The following BRAP variants were observed in gnomAD, a reference collection of about 807,000 sequenced individuals.
BRAP encodes the protein BRCA1-associated protein.
A neutral mutation model predicts 73.4 loss-of-function variants in BRAP; 42 were observed. The observed-to-expected ratio is 0.57, with a 90% confidence interval of 0.45 to 0.74. The LOEUF (loss-of-function observed/expected upper bound fraction) is 0.74. Among genes scored for constraint, BRAP ranks in the 30% least tolerant of loss-of-function variants. BRAP has a pLI of 0.00. For missense variants in BRAP, 593 were observed against 751.4 expected (o/e 0.79, Z 2.46); for synonymous variants, 255 against 267.4 (o/e 0.95, Z 0.45).
chr12:111,675,805 A>C (rs1887356691), intron 4 of BRAP, among the ~76,000 whole-genome samples: 1 of 152,096 alleles, frequency 6.6e-6, no homozygotes, highest in Admixed American at 6.6e-5. Context: ...TTGAGAACAT[A>C]CCTCTACTTC....
chr12:111,673,124 T>C (rs1234817186), intron 4 of BRAP: 1 of 206,138 alleles, frequency 4.9e-6, no homozygotes, highest in Non-Finnish European at 9.7e-6. Context: ...TAGTCATCAC[T>C]TGTGCAGCTG....
In BRAP at chr12:111,657,601, C is replaced by T. The variant is rs546607766; in HGVS notation, c.1221+1135G>A. Among the ~76,000 whole-genome samples the T allele has an allele frequency of 6.6e-5, 10 of 152,078 alleles. No homozygotes were observed. The South Asian group carries it at 1.0e-3, about 16-fold the overall frequency. On this transcript the variant is annotated intron_variant, in intron 9 of 11. Transcript: ENST00000419234. ...ATTTATATAAAACATGACTCGTGGC[C>T]GGGTACGGTGGCTCATGCCTATAAT...
chr12:111,650,119 T>C (rs1886262084), intron 10 of BRAP, 77 bp from the exon 11 acceptor site: 10 of 1,042,626 alleles, frequency 9.6e-6, no homozygotes, highest in East Asian at 5.0e-5. Flanking sequence ...ATCATATTTT[T>C]CCCCCCAATT....
Position 111,672,671 on chromosome 12 carries a change from T to C in BRAP, c.737A>G (p.Lys246Arg). 6.2e-7 allele frequency: 1 copy of C among 1,612,028 alleles called. No individual in the cohort carries two copies. The highest frequency in any genetic ancestry group is 1.3e-5 in the African/African-American group (1 of 75,006). The change falls in exon 5 of 12, where the codon AAA becomes AGA. Residue 246 changes from lysine to arginine, a missense_variant. By Grantham distance (26) the Lys-to-Arg change is conservative. Transcript: ENST00000419234. ...ACAATTCACACTTACATCTTCAGAT[T>C]TGAGCACTTCAGCTCTTTCCACATA... ...LVYVERAEVLKSEDGASLPVM... is the reference protein window; with the variant it reads ...LVYVERAEVLRSEDGASLPVM...
chr12:111,659,415 A>C, intron 7 of BRAP, 70 bp from the exon 8 acceptor site: 4 of 1,454,158 alleles, frequency 2.8e-6, no homozygotes, highest in Non-Finnish European at 2.8e-6. Flanking sequence ...GATGGCTCGG[A>C]GGCCGAGGCA....
intron 6 of BRAP, among the ~76,000 whole-genome samples, chr12:111,663,264 G>T (rs1886820114): frequency 6.6e-6 from 1 of 151,960 alleles, no homozygotes; most frequent in South Asian, 2.1e-4. Context: ...GACCAGCTGG[G>T]CCAACATGGC....
chr12:111,658,404 G>A (rs777060572), intron 9 of BRAP, among the ~76,000 whole-genome samples: 96 of 151,034 alleles, frequency 6.4e-4, no homozygotes, highest in African/African-American at 2.2e-3. Context: ...AGGTTCAAGC[G>A]ATTCTCTGCT....
At chr12:111,671,376 C>A (rs148428716) in intron 5 of BRAP, among the ~76,000 whole-genome samples, 75 of 151,556 alleles carry the variant, frequency 4.9e-4, no homozygotes, top group African/African-American at 1.7e-3. Context: ...GTGGTGAAAC[C>A]CCATCTCCAC....
chr12:111,646,895 G>C (rs2135891485), intron 11 of BRAP, among the ~76,000 whole-genome samples: 1 of 152,322 alleles, frequency 6.6e-6, no homozygotes, highest in African/African-American at 2.4e-5. Flanking sequence ...GGAGGAAGAT[G>C]CTCATTACAG....
rs550769176 is a variant in BRAP at position 111,645,008 on chromosome 12, C to T, written c.1416-446G>A. ...CCAACCTCAGGTGATCCACCTGTCT[C>T]GGCCTTCCAAAGTACTGGGATTACA... On this transcript the variant is annotated intron_variant, in intron 11 of 11. Transcript: ENST00000419234. Among the ~76,000 whole-genome samples the T allele has an allele frequency of 4.2e-4, 63 of 151,734 alleles. 1 individual carries two copies. Among genetic ancestry groups the T allele is most frequent in the Non-Finnish European group, 6.2e-4 (42 of 67,938 alleles).
intron 7 of BRAP, among the ~76,000 whole-genome samples, chr12:111,660,081 A>T (rs1181240075): frequency 2.0e-5 from 3 of 151,870 alleles, no homozygotes; most frequent in Non-Finnish European, 2.9e-5. Flanking sequence ...CTCAAAAAAA[A>T]AAGAAAAAGA....
At chr12:111,658,472 T>G (rs1006689490) in intron 9 of BRAP, among the ~76,000 whole-genome samples, 8 of 151,974 alleles carry the variant, frequency 5.3e-5, no homozygotes, top group Non-Finnish European at 1.0e-4. Context: ...ATTACAGGTG[T>G]GTGCCACCAT....
chr12:111,684,250 T>C (rs1227157116), intron 1 of BRAP, among the ~76,000 whole-genome samples: 1 of 152,200 alleles, frequency 6.6e-6, no homozygotes, highest in Non-Finnish European at 1.5e-5. Context: ...TCTAAATGTT[T>C]GATGAATAAA....
intron 5 of BRAP, chr12:111,670,387 C>G (rs766347608): frequency 3.0e-5 from 11 of 369,696 alleles, no homozygotes; most frequent in Admixed American, 1.9e-4. Context: ...CCCCGCCACC[C>G]ACTTATCAAA....
At chr12:111,671,894 C>T (rs1013777203) in intron 5 of BRAP, among the ~76,000 whole-genome samples, 1 of 151,936 alleles carries the variant, frequency 6.6e-6, no homozygotes, top group Non-Finnish European at 1.5e-5. Context: ...TCATGTTGCC[C>T]AGCCTGGTCT....
intron 6 of BRAP, among the ~76,000 whole-genome samples, chr12:111,662,945 TAAAA>T (rs76679225): frequency 8.7e-6 from 1 of 115,008 alleles, no homozygotes; most frequent in African/African-American, 3.2e-5. Context: ...AAAGCCCTTC[TAAAA>T]AAAAAAAAAA....
At chr12:111,649,005 AC>A (rs1481810693) in intron 11 of BRAP, among the ~76,000 whole-genome samples, 5 of 151,704 alleles carry the variant, frequency 3.3e-5, no homozygotes, top group East Asian at 2.0e-4. Context: ...TGTCTCCAAA[AC>A]AACAACAACA....
At chr12:111,660,550 A>G (rs751407507) in intron 7 of BRAP, 50 bp downstream of exon 7, 3 of 1,493,266 alleles carry the variant, frequency 2.0e-6, no homozygotes, top group East Asian at 4.7e-5. Flanking sequence ...AAGAAAACTC[A>G]TGACAATTAA....
chr12:111,682,565 G>A (rs1467916286), intron 2 of BRAP, among the ~76,000 whole-genome samples: 1 of 150,560 alleles, frequency 6.6e-6, no homozygotes, highest in African/African-American at 2.4e-5. Flanking sequence ...GGGAAGGCAC[G>A]ACATGTTTAT....
Sources: gnomAD v4.1 joint callset for allele counts (sites outside exome capture counted in the v4.1 genomes callset) on GRCh38, gnomAD v4.1.1 for gene constraint, MANE v1.5 for transcripts, NCBI Gene and HGNC (gene_info 2026-07-23, HGNC 2026-07-21) for gene names.